Variants in CSMD1 observed in about 807,000 individuals in gnomAD.
CSMD1 encodes CUB and Sushi multiple domains 1.
CSMD1 carries 213 observed loss-of-function variants against 417.5 expected under a neutral mutation model. That is an observed-to-expected ratio of 0.51 (90% CI 0.46 to 0.57). The LOEUF (loss-of-function observed/expected upper bound fraction) is 0.57, where lower values mean the gene tolerates loss of function less well. Ranked by LOEUF, CSMD1 falls within the 20% of genes least tolerant of loss-of-function variation. CSMD1 has a pLI of 0.00. For synonymous variants in CSMD1, 2,862 were observed against 1,736.8 expected (o/e 1.65, Z -16.11); for missense variants, 6,923 against 4,529.7 (o/e 1.53, Z -15.17).
At chr8:3,438,327 C>G (rs77746484) in intron 12 of CSMD1, among the ~76,000 whole-genome samples, 2,009 of 152,262 alleles carry the variant, frequency 0.013, 49 homozygotes, top group East Asian at 0.092. Flanking sequence ...TATAACATCA[C>G]CACCAGTATA....
intron 21 of CSMD1, among the ~76,000 whole-genome samples, chr8:3,356,088 A>C (rs185784245): frequency 4.6e-5 from 7 of 152,354 alleles, no homozygotes; most frequent in Admixed American, 3.3e-4. Context: ...TAGAAATTCC[A>C]TTTAAGTCAG....
rs6558762 is a variant in CSMD1 at position 3,308,560 on chromosome 8, A to G, written c.3632-57T>C. On this transcript the variant is annotated intron_variant, in intron 23 of 69. Coordinates refer to ENST00000635120, the MANE Select transcript of CSMD1 (RefSeq NM_033225.6). ...ACTCAAGGGTGGACATCTGCCTTAA[A>G]ACAGAGATGAAACAAACAAGGTTGC... 3.1e-3 allele frequency: 4,317 copies of G among 1,409,094 alleles called. 104 individuals carry two copies. The African/African-American group carries it at 0.051, about 17-fold the overall frequency. 87.3% of individuals were successfully genotyped at this position (1,409,094 alleles called of 1,614,324 possible). A position where few individuals can be genotyped will look rare whatever the true frequency, so the allele number is the denominator to read the frequency against.
At chr8:4,119,012 G>C (rs146986463) in intron 3 of CSMD1, among the ~76,000 whole-genome samples, 1 of 152,082 alleles carries the variant, frequency 6.6e-6, no homozygotes, top group African/African-American at 2.4e-5. Flanking sequence ...AACACCACAT[G>C]TTCTCACTCA....
chr8:4,622,957 G>GT (rs1209912033), intron 2 of CSMD1, among the ~76,000 whole-genome samples: 1 of 152,062 alleles, frequency 6.6e-6, no homozygotes, highest in South Asian at 2.1e-4. Flanking sequence ...TAAATTCAAA[G>GT]TTTTTTATAT....
At chr8:3,213,363 C>T (rs1383351359) in intron 30 of CSMD1, among the ~76,000 whole-genome samples, 1 of 152,238 alleles carries the variant, frequency 6.6e-6, no homozygotes, top group East Asian at 1.9e-4. Flanking sequence ...CAAGGGTCCA[C>T]AGCCTGAGGA....
chr8:4,782,603 C>T (rs549384441), intron 1 of CSMD1, among the ~76,000 whole-genome samples: 2 of 152,078 alleles, frequency 1.3e-5, no homozygotes, highest in African/African-American at 2.4e-5. Flanking sequence ...TTTGTAGGTA[C>T]TGAAAATAAA....
chr8:4,084,613 C>T (rs957106402), intron 3 of CSMD1, among the ~76,000 whole-genome samples: 3 of 152,110 alleles, frequency 2.0e-5, no homozygotes, highest in Admixed American at 1.3e-4. Context: ...TGAAAGCGAG[C>T]CTTCCAGAGT....
At chr8:4,212,487 G>C (rs1005898088) in intron 3 of CSMD1, among the ~76,000 whole-genome samples, 1 of 151,946 alleles carries the variant, frequency 6.6e-6, no homozygotes, top group Admixed American at 6.6e-5. Context: ...CTGGCAGATG[G>C]AAGCGATCCT....
intron 2 of CSMD1, among the ~76,000 whole-genome samples, chr8:4,459,257 T>C (rs1799665082): frequency 6.6e-6 from 1 of 152,106 alleles, no homozygotes; most frequent in Non-Finnish European, 1.5e-5. Context: ...GAATAAAAGG[T>C]CAAAATGCTG....
intron 3 of CSMD1, among the ~76,000 whole-genome samples, chr8:4,066,139 C>T (rs1799233731): frequency 6.6e-6 from 1 of 151,446 alleles, no homozygotes; most frequent in African/African-American, 2.4e-5. Context: ...GCTCTTTTCT[C>T]TGTTTGGAAG....
chr8:4,405,453 G>T (rs561607464), intron 3 of CSMD1, among the ~76,000 whole-genome samples: 1 of 151,916 alleles, frequency 6.6e-6, no homozygotes, highest in East Asian at 1.9e-4. Flanking sequence ...AGATTTTAAC[G>T]CCCATCTATA....
intron 1 of CSMD1, among the ~76,000 whole-genome samples, chr8:4,807,076 T>C (rs1798631859): frequency 1.3e-5 from 2 of 152,210 alleles, no homozygotes; most frequent in South Asian, 4.1e-4. Flanking sequence ...TAAATATTTT[T>C]ATTCTTTTTA....
chr8:2,942,364 C>G (rs1346710063), intron 69 of CSMD1, 108 bp downstream of exon 69: 4 of 937,990 alleles, frequency 4.3e-6, no homozygotes. Context: ...AAGAACATTG[C>G]ATAGTAATAT....
rs151056608 is a variant in CSMD1 at position 3,719,082 on chromosome 8, G to A, written c.932-10591C>T. On this transcript the variant is annotated intron_variant, in intron 6 of 69. Coordinates refer to ENST00000635120, the MANE Select transcript of CSMD1 (RefSeq NM_033225.6). ...AAACCCTCCTGAGGTGGAAAACAGA[G>A]GTGTCTCAGACGATTCGCAAATTCC... Among the ~76,000 whole-genome samples, 18 of 152,198 alleles carry A rather than the reference G, an allele frequency of 1.2e-4. No individual in the cohort carries two copies. The East Asian group carries it at 3.1e-3, about 26-fold the overall frequency.
intron 12 of CSMD1, among the ~76,000 whole-genome samples, chr8:3,452,185 A>C (rs552334061): frequency 6.6e-6 from 1 of 152,184 alleles, no homozygotes; most frequent in Non-Finnish European, 1.5e-5. Flanking sequence ...AGACTTTGCT[A>C]AAGTTGCTTA....
chr8:4,246,514 C>G (rs529042413), intron 3 of CSMD1, among the ~76,000 whole-genome samples: 1 of 152,208 alleles, frequency 6.6e-6, no homozygotes, highest in African/African-American at 2.4e-5. Context: ...TTGTAAGACC[C>G]TTGTGAAAAT....
chr8:4,820,266 T>A (rs1799445620), intron 1 of CSMD1, among the ~76,000 whole-genome samples: 1 of 152,092 alleles, frequency 6.6e-6, no homozygotes, highest in South Asian at 2.1e-4. Context: ...AAATAAACAC[T>A]ACAGACTGCC....
At chr8:3,875,052 G>C (rs890901508) in intron 5 of CSMD1, among the ~76,000 whole-genome samples, 1 of 152,134 alleles carries the variant, frequency 6.6e-6, no homozygotes, top group Non-Finnish European at 1.5e-5. Flanking sequence ...TGGGGCGGCT[G>C]AAAGAGCAGA....
intron 18 of CSMD1, among the ~76,000 whole-genome samples, chr8:3,382,902 A>T (rs1191863999): frequency 6.6e-6 from 1 of 152,126 alleles, no homozygotes; most frequent in Non-Finnish European, 1.5e-5. Flanking sequence ...CCAAGATTTA[A>T]AAACTAAGAT....
Sources: allele counts gnomAD v4.1 joint callset (sites outside exome capture counted in the v4.1 genomes callset), GRCh38; gene constraint gnomAD v4.1.1; transcripts MANE v1.5; gene names NCBI Gene and HGNC (gene_info 2026-07-23, HGNC 2026-07-21).